Variants in GLB1L2 observed in about 807,000 individuals in gnomAD.
The protein encoded by GLB1L2 is beta-galactosidase-1-like protein 2.
A neutral mutation model predicts 84.1 loss-of-function variants in GLB1L2; 68 were observed. The observed-to-expected ratio is 0.81, with a 90% confidence interval of 0.67 to 0.99. The LOEUF (loss-of-function observed/expected upper bound fraction) is 0.99. Ranked by LOEUF, GLB1L2 falls within the 50% of genes least tolerant of loss-of-function variation. The probability of loss-of-function intolerance (pLI) is 0.00; values close to 1 mark genes in which losing one functional copy is unlikely to be tolerated. For missense variants in GLB1L2, 762 were observed against 805.6 expected (o/e 0.95, Z 0.66); for synonymous variants, 290 against 318.0 (o/e 0.91, Z 0.94).
chr11:134,345,365 G>A (rs1393921754), intron 4 of GLB1L2, among the ~76,000 whole-genome samples: 4 of 152,256 alleles, frequency 2.6e-5, no homozygotes, highest in Non-Finnish European at 5.9e-5. Flanking sequence ...CAGCAGCAGG[G>A]CTGGCCCTCC....
intron 6 of GLB1L2, 92 bp from the exon 7 acceptor site, chr11:134,358,968 T>C (rs1476442690): frequency 2.3e-6 from 2 of 851,862 alleles, no homozygotes; most frequent in Admixed American, 2.6e-5. Flanking sequence ...TCTCTCCTTC[T>C]AGCTCTTCAG....
chr11:134,374,218 A>G lies in GLB1L2; in HGVS notation c.1669A>G (p.Ile557Val), dbSNP rs1227815584. ...TGCTTTCTTCTTGGGTAGCTTGTCC[A>G]TCAGCTCCACCCCTTGTGACACCTT... is the stretch of plus-strand genomic sequence containing the variant. ...LPAFFLGSLS[I>V]SSTPCDTFLK... The change falls in exon 17 of 19, where the codon ATC becomes GTC. Residue 557 changes from isoleucine (I) to valine (V), a missense_variant. Ile to Val is a conservative substitution (Grantham distance 29, BLOSUM62 3). This residue lies in a region of GLB1L2 where 603 missense variants were observed against 611.7 expected (regional missense o/e 0.99). Transcript: ENST00000535456. The G allele has an allele frequency of 6.2e-7, 1 of 1,614,044 alleles. No individual in the cohort carries two copies.
intron 10 of GLB1L2, 99 bp downstream of exon 10, chr11:134,368,880 G>C (rs966275665): frequency 2.1e-5 from 27 of 1,297,300 alleles, no homozygotes; most frequent in Non-Finnish European, 2.7e-5. Context: ...TGGCACCTTC[G>C]TGTCTTTGGC....
chr11:134,367,912 CGAGCATCCCGGT>C (rs962604212), intron 9 of GLB1L2, among the ~76,000 whole-genome samples: 37 of 152,264 alleles, frequency 2.4e-4, no homozygotes, highest in African/African-American at 8.7e-4. Flanking sequence ...GCCATCCCGG[CGAGCATCCCGGT>C]GAGCATCCCG....
rs201243694 is a variant in GLB1L2 at position 134,371,496 on chromosome 11, C to T, written c.1428+4C>T. The T allele has an allele frequency of 1.8e-5, 28 of 1,568,684 alleles. No homozygotes were observed. The South Asian group carries it at 2.0e-4, about 11-fold the overall frequency. ...GATTGCTGTCCCCCTGATCCAGGTT[C>T]GTTGTTTTTGGGAGCTGGGTGATGG... is the stretch of plus-strand genomic sequence containing the variant. On this transcript the variant is annotated splice_donor_region_variant and intron_variant, in intron 14 of 18. Transcript: ENST00000535456.
intron 14 of GLB1L2, 73 bp downstream of exon 14, chr11:134,371,565 G>A: frequency 9.4e-7 from 1 of 1,069,452 alleles, no homozygotes; most frequent in Non-Finnish European, 1.5e-6. Context: ...AGTCACTGAG[G>A]AAAACCTGGG....
intron 10 of GLB1L2, 75 bp from the exon 11 acceptor site, chr11:134,369,730 C>A: frequency 1.5e-6 from 2 of 1,345,868 alleles, no homozygotes; most frequent in South Asian, 2.6e-5. Context: ...CCCTTCCAAG[C>A]TTCTCCCTGT....
intron 13 of GLB1L2, 23 bp downstream of exon 13, chr11:134,371,171 C>T (rs200207279): frequency 8.7e-5 from 140 of 1,613,426 alleles, no homozygotes; most frequent in Non-Finnish European, 1.1e-4. Flanking sequence ...CTTCTAAATT[C>T]CTGTGACCTT....
chr11:134,369,990 C>G (rs751685145), intron 11 of GLB1L2, 105 bp downstream of exon 11: 13 of 937,004 alleles, frequency 1.4e-5, no homozygotes, highest in Non-Finnish European at 2.2e-5. Flanking sequence ...CCCAGTTGAT[C>G]TGCGTGCAAG....
At chr11:134,348,418 G>A (rs1478542950) in intron 5 of GLB1L2, among the ~76,000 whole-genome samples, 2 of 152,206 alleles carry the variant, frequency 1.3e-5, no homozygotes, top group Non-Finnish European at 2.9e-5. Context: ...GGAAGCTGGG[G>A]ATCAGCAGGT....
intron 10 of GLB1L2, 129 bp from the exon 11 acceptor site, chr11:134,369,676 C>T: frequency 1.4e-6 from 1 of 733,188 alleles, no homozygotes; most frequent in Non-Finnish European, 2.3e-6. Flanking sequence ...CTGAATGGCT[C>T]AAAAGTGTCT....
At chr11:134,346,771 T>C (rs930815251) in intron 4 of GLB1L2, 1 of 155,008 alleles carries the variant, frequency 6.5e-6, no homozygotes. Flanking sequence ...TTTGGGATCA[T>C]AGCAACAGGG....
intron 8 of GLB1L2, 116 bp downstream of exon 8, chr11:134,364,514 G>A (rs7103363): frequency 0.31 from 244,249 of 800,812 alleles, 38,635 homozygotes; most frequent in East Asian, 0.51. Context: ...CAGGGCTGAT[G>A]GCCTCTGGCC....
chr11:134,372,003 T>C (rs1943960733), intron 15 of GLB1L2, among the ~76,000 whole-genome samples, 173 bp downstream of exon 15: 1 of 152,250 alleles, frequency 6.6e-6, no homozygotes, highest in African/African-American at 2.4e-5. Flanking sequence ...TCCGCTGGGC[T>C]GTGGCCCCTG....
chr11:134,361,207 T>C (rs1435134536), intron 7 of GLB1L2: 1 of 152,098 alleles, frequency 6.6e-6, no homozygotes, highest in African/African-American at 2.4e-5. Context: ...GTGCCTGTAA[T>C]CCCAGCTACT....
chr11:134,372,655 C>T (rs563907257), intron 15 of GLB1L2: 5 of 152,220 alleles, frequency 3.3e-5, no homozygotes, highest in African/African-American at 7.2e-5. Flanking sequence ...TGAGCAGCAC[C>T]GGTGACCTCC....
At chr11:134,355,022 A>G (rs1943683784) in intron 5 of GLB1L2, among the ~76,000 whole-genome samples, 1 of 152,024 alleles carries the variant, frequency 6.6e-6, no homozygotes, top group South Asian at 2.1e-4. Context: ...GGCTCTGTTC[A>G]CTTTTCTTTA....
Position 134,373,703 on chromosome 11 carries a change from C to T in GLB1L2, c.1508-18C>T. ...CCCTGCCTTTGGGCTACCCACGTGTCCTGCCTCCCTCCCACAGGCTTAATT... is the reference window on the plus strand; with the variant it reads ...CCCTGCCTTTGGGCTACCCACGTGTTCTGCCTCCCTCCCACAGGCTTAATT... On this transcript the variant is annotated intron_variant, in intron 15 of 18. Coordinates refer to ENST00000535456, the MANE Select transcript of GLB1L2 (RefSeq NM_001370461.1). The T allele has an allele frequency of 1.3e-6, 2 of 1,577,378 alleles. No homozygotes were observed. The highest frequency in any genetic ancestry group is 1.7e-6 in the Non-Finnish European group (2 of 1,149,312).
chr11:134,340,280 T>TTG (rs1943442627), intron 1 of GLB1L2, among the ~76,000 whole-genome samples: 1 of 143,256 alleles, frequency 7.0e-6, no homozygotes, highest in Non-Finnish European at 1.6e-5. Flanking sequence ...CAGTGATATT[T>TTG]TGTGTGTGTG....
Sources: allele counts gnomAD v4.1 joint callset (sites outside exome capture counted in the v4.1 genomes callset), GRCh38; gene constraint gnomAD v4.1.1; regional missense constraint gnomAD v4.1.1; transcripts MANE v1.5; gene names NCBI Gene and HGNC (gene_info 2026-07-23, HGNC 2026-07-21).